Variants in SRD5A2 observed in about 807,000 individuals in gnomAD.
SRD5A2 encodes steroid 5 alpha-reductase 2, also known as 3-oxo-5-alpha-steroid 4-dehydrogenase 2.
SRD5A2 carries 30 observed loss-of-function variants against 27.4 expected under a neutral mutation model. The observed-to-expected ratio is 1.10, with a 90% CI of 0.82 to 1.49. The LOEUF (loss-of-function observed/expected upper bound fraction) is 1.49. Among genes scored for constraint, SRD5A2 ranks in the 40% most tolerant of loss-of-function variants. The probability of loss-of-function intolerance (pLI) is 0.00; values close to 1 mark genes in which losing one functional copy is unlikely to be tolerated. For missense variants in SRD5A2, 348 were observed against 323.4 expected (o/e 1.08, Z -0.58); for synonymous variants, 141 against 133.6 (o/e 1.06, Z -0.38).
chr2:31,639,908 A>G, the SRD5A2 span, among the ~76,000 whole-genome samples: 1 of 152,040 alleles, frequency 6.6e-6, no homozygotes, highest in Non-Finnish European at 1.5e-5. Flanking sequence ...AAAGTTTTCT[A>G]TTATTTGTTT....
In SRD5A2 at chr2:31,535,687, C is replaced by A. The variant is rs74584480; in HGVS notation, c.282-1921G>T. Among the ~76,000 whole-genome samples, 1,352 of 152,312 alleles carry A rather than the reference C, an allele frequency of 8.9e-3. 22 individuals carry two copies. Among genetic ancestry groups the A allele is most frequent in the African/African-American group, 0.03 (1,255 of 41,554 alleles). On this transcript the variant is annotated intron_variant, in intron 1 of 4. Coordinates refer to ENST00000622030, the MANE Select transcript of SRD5A2 (RefSeq NM_000348.4). The stretch of plus-strand genomic sequence containing the variant: ...GAATGCCTCCCACCCCACCCAATCA[C>A]AACAGTGCCTACAATTCATGTCAGT...
the SRD5A2 span, among the ~76,000 whole-genome samples, chr2:31,642,313 A>C: frequency 6.6e-6 from 1 of 152,070 alleles, no homozygotes; most frequent in Non-Finnish European, 1.5e-5. Context: ...CATAGGAGAC[A>C]ATTTTTTTGA....
At chr2:31,605,208 TG>T in the SRD5A2 span, among the ~76,000 whole-genome samples, 1 of 151,832 alleles carries the variant, frequency 6.6e-6, no homozygotes, top group Non-Finnish European at 1.5e-5. Context: ...AAGAAGACAT[TG>T]GGGAAACTCT....
chr2:31,634,679 C>G, the SRD5A2 span, among the ~76,000 whole-genome samples: 1 of 151,566 alleles, frequency 6.6e-6, no homozygotes, highest in South Asian at 2.1e-4. Context: ...TCCTTTTATC[C>G]TTGTCTACTC....
chr2:31,523,671 G>A lies in SRD5A2; in HGVS notation c.*2525C>T, dbSNP rs1330844998. On this transcript the variant is annotated 3_prime_UTR_variant, in exon 5 of 5. Transcript: ENST00000622030. ...AAGACCAAGATAGAGTATCTTGTGA[G>A]CTAGGACACTGTTAGATTATTTTAG... 1.8e-5 allele frequency: 4 copies of A among 221,378 alleles called. No homozygotes were observed. Among genetic ancestry groups the A allele is most frequent in the Non-Finnish European group, 3.6e-5 (4 of 110,692 alleles). The allele number at this position is 221,378 out of a possible 1,614,324, so 13.7% of individuals were successfully genotyped here.
intron 1 of SRD5A2, among the ~76,000 whole-genome samples, chr2:31,557,060 G>A (rs1666510359): frequency 6.6e-6 from 1 of 152,208 alleles, no homozygotes; most frequent in South Asian, 2.1e-4. Context: ...ACATAATTAT[G>A]AGATATCAGA....
chr2:31,600,142 G>A, the SRD5A2 span, among the ~76,000 whole-genome samples: 1 of 151,980 alleles, frequency 6.6e-6, no homozygotes, highest in Non-Finnish European at 1.5e-5. Context: ...CTCCACCCAT[G>A]TTCTTGCACA....
At chr2:31,585,546 C>T (rs1667160244), upstream of SRD5A2, among the ~76,000 whole-genome samples, 1 of 152,152 alleles carries the variant, frequency 6.6e-6, no homozygotes, top group African/African-American at 2.4e-5. Context: ...CCTAGAAACA[C>T]CCTGGGCCAG....
chr2:31,582,482 C>G (rs1558379049), upstream of SRD5A2, among the ~76,000 whole-genome samples: 1 of 152,182 alleles, frequency 6.6e-6, no homozygotes, highest in Non-Finnish European at 1.5e-5. Flanking sequence ...TTTGGAATCA[C>G]TCATACTGAC....
chr2:31,645,125 C>A, the SRD5A2 span, among the ~76,000 whole-genome samples: 2 of 152,172 alleles, frequency 1.3e-5, no homozygotes, highest in East Asian at 1.9e-4. Flanking sequence ...ACACATACCA[C>A]AACATTTTGA....
At chr2:31,569,791 T>C (rs1666816348) in intron 1 of SRD5A2, among the ~76,000 whole-genome samples, 1 of 151,862 alleles carries the variant, frequency 6.6e-6, no homozygotes, top group Admixed American at 6.6e-5. Context: ...ACAAATCTTG[T>C]AGAAGGAAAT....
the SRD5A2 span, among the ~76,000 whole-genome samples, chr2:31,641,690 G>A: frequency 6.6e-6 from 1 of 152,048 alleles, no homozygotes; most frequent in Non-Finnish European, 1.5e-5. Flanking sequence ...GTAATTCACA[G>A]ATTAAGAGAG....
chr2:31,555,107 C>T (rs111664563), intron 1 of SRD5A2, among the ~76,000 whole-genome samples: 24 of 151,708 alleles, frequency 1.6e-4, no homozygotes, highest in Admixed American at 3.9e-4. Context: ...CAAAATAACT[C>T]ACTTATTTCC....
At chr2:31,657,147 T>G in the SRD5A2 span, among the ~76,000 whole-genome samples, 1 of 152,162 alleles carries the variant, frequency 6.6e-6, no homozygotes, top group Non-Finnish European at 1.5e-5. Context: ...GAAATCTAAA[T>G]GAAATGTGTG....
intron 2 of SRD5A2, among the ~76,000 whole-genome samples, chr2:31,532,361 T>TCACA (rs35752905): frequency 0.011 from 1,586 of 143,784 alleles, 21 homozygotes; most frequent in East Asian, 0.074. Flanking sequence ...CACTGCCAGT[T>TCACA]CACACACACA....
At chr2:31,608,106 C>T in the SRD5A2 span, among the ~76,000 whole-genome samples, 10 of 151,962 alleles carry the variant, frequency 6.6e-5, no homozygotes, top group Admixed American at 1.3e-4. Flanking sequence ...TATAGTATTC[C>T]ATTATAGCAG....
At chr2:31,622,741 T>C in the SRD5A2 span, among the ~76,000 whole-genome samples, 1 of 152,060 alleles carries the variant, frequency 6.6e-6, no homozygotes, top group East Asian at 1.9e-4. Flanking sequence ...TGAACTTTTT[T>C]TGGTATAAGT....
rs578000308 is a variant in SRD5A2, at chr2:31,538,496, C to T, written c.282-4730G>A. Among the ~76,000 whole-genome samples, 7 of 152,336 alleles carry T rather than the reference C, an allele frequency of 4.6e-5. No individual in the cohort carries two copies. In the South Asian group the frequency reaches 1.0e-3, roughly 23 times the overall value. ...CCTCCTCATTTGACCACCACATTTA[C>T]TCCACCGCAATCTATTCTCCATATA... is the stretch of plus-strand genomic sequence containing the variant. On this transcript the variant is annotated intron_variant, in intron 1 of 4. Coordinates refer to ENST00000622030, the MANE Select transcript of SRD5A2 (RefSeq NM_000348.4).
At chr2:31,590,458 T>C in the SRD5A2 span, among the ~76,000 whole-genome samples, 846 of 152,270 alleles carry the variant, frequency 5.6e-3, 10 homozygotes, top group Admixed American at 0.024. Context: ...GGGAGTTCAC[T>C]CATGATGGGT....
Sources: gnomAD v4.1 joint callset for allele counts (sites outside exome capture counted in the v4.1 genomes callset) on GRCh38, gnomAD v4.1.1 for gene constraint, MANE v1.5 for transcripts, NCBI Gene and HGNC (gene_info 2026-07-23, HGNC 2026-07-21) for gene names.